ERICH1: variants seen among roughly 807,000 people sequenced by gnomAD.
ERICH1 encodes the protein glutamate-rich protein 1.
In ERICH1, 56 loss-of-function variants were observed where a neutral mutation model predicts 39.6. That is an observed-to-expected ratio of 1.41 (90% confidence interval 1.14 to 1.77). ERICH1 has a LOEUF of 1.77. Ranked by LOEUF, ERICH1 falls within the 40% of genes most tolerant of loss-of-function variation. The pLI is 0.00. For synonymous variants in ERICH1, 313 were observed against 223.6 expected, an observed-to-expected ratio of 1.40 and a Z score of -3.57; for missense variants, 826 against 575.4, an observed-to-expected ratio of 1.44 and a Z score of -4.45.
chr8:715,717 C>G, intron 2 of ERICH1, 144 bp downstream of exon 2: 1 of 1,165,290 alleles, frequency 8.6e-7, no homozygotes, highest in Non-Finnish European at 1.2e-6. Flanking sequence ...GAGAGCGATG[C>G]CTGCCCTGCC....
intron 1 of ERICH1, among the ~76,000 whole-genome samples, chr8:722,911 G>T (rs758831584): frequency 6.6e-6 from 1 of 152,180 alleles, no homozygotes; most frequent in African/African-American, 2.4e-5. Flanking sequence ...AAATATTCAC[G>T]AGTGACTTTA....
chr8:678,752 G>A (rs1189164804), intron 3 of ERICH1, among the ~76,000 whole-genome samples: 1 of 152,158 alleles, frequency 6.6e-6, no homozygotes, highest in Admixed American at 6.5e-5. Flanking sequence ...AGCTTGCAGT[G>A]AGCCCAGATT....
At chr8:635,853 C>G (rs1169442788) in intron 3 of ERICH1, among the ~76,000 whole-genome samples, 1 of 152,224 alleles carries the variant, frequency 6.6e-6, no homozygotes, top group East Asian at 1.9e-4. Context: ...TGTGTTCAAC[C>G]AACTCTGGAT....
intron 3 of ERICH1, among the ~76,000 whole-genome samples, chr8:643,201 C>T (rs529686397): frequency 3.3e-5 from 5 of 152,350 alleles, no homozygotes; most frequent in African/African-American, 9.6e-5. Context: ...TCTCGTTAAA[C>T]ATTGCATGCG....
intron 3 of ERICH1, among the ~76,000 whole-genome samples, chr8:618,341 C>A (rs895100546): frequency 6.6e-6 from 1 of 151,396 alleles, no homozygotes; most frequent in Non-Finnish European, 1.5e-5. Flanking sequence ...GTCCTCAGTG[C>A]CTTTTGAGTG....
At chr8:731,071 T>C (rs1585787887) in intron 1 of ERICH1, 69 bp downstream of exon 1, 1 of 1,384,262 alleles carries the variant, frequency 7.2e-7, no homozygotes, top group Admixed American at 3.3e-5. Flanking sequence ...GGGTCCCGAG[T>C]CAACACCGCG....
At chr8:690,338 T>C (rs1437519303) in intron 3 of ERICH1, among the ~76,000 whole-genome samples, 2 of 152,266 alleles carry the variant, frequency 1.3e-5, no homozygotes, top group Admixed American at 6.5e-5. Context: ...CTTCCTGTCC[T>C]GGCTTTTGGG....
At chr8:615,067 C>T (rs1584916911) in exon 4 of ERICH1, 5 of 584,050 alleles carry the variant, frequency 8.6e-6, no homozygotes, top group African/African-American at 5.6e-5. Flanking sequence ...CTGTACCCAT[C>T]GGCCACTGAA....
intron 3 of ERICH1, among the ~76,000 whole-genome samples, chr8:685,341 C>T (rs1286733184): frequency 2.0e-5 from 3 of 152,190 alleles, no homozygotes; most frequent in Admixed American, 6.5e-5. Context: ...CCCTGAACAT[C>T]GCTGTTATCC....
At chr8:719,151 C>G (rs1816720192) in intron 1 of ERICH1, among the ~76,000 whole-genome samples, 1 of 152,148 alleles carries the variant, frequency 6.6e-6, no homozygotes, top group South Asian at 2.1e-4. Context: ...CACGAAAGCC[C>G]CAGGCCTGGC....
rs368920555 is a variant in ERICH1 at position 716,034 on chromosome 8, A to C, written c.23-27T>G. On this transcript the variant is annotated intron_variant, in intron 1 of 5. Coordinates refer to ENST00000262109, the MANE Select transcript of ERICH1 (RefSeq NM_207332.3). ...TGTACAGACAACCGATTAAAAGAAA[A>C]GGAGGAAAAGGAATGAATTATGCAG... 19 of 1,571,034 alleles carry C rather than the reference A, an allele frequency of 1.2e-5. No homozygotes were observed. The African/African-American group carries it at 2.2e-4, about 18-fold the overall frequency.
At chr8:719,006 A>G (rs1322896461) in intron 1 of ERICH1, among the ~76,000 whole-genome samples, 1 of 152,078 alleles carries the variant, frequency 6.6e-6, no homozygotes, top group African/African-American at 2.4e-5. Flanking sequence ...GTCAGTGCAC[A>G]TGCCAATGTC....
downstream of ERICH1, among the ~76,000 whole-genome samples, chr8:661,125 G>A (rs1255944381): frequency 6.6e-6 from 1 of 152,084 alleles, no homozygotes; most frequent in African/African-American, 2.4e-5. Context: ...CCCAATATTG[G>A]TGCGAGGCGG....
intron 3 of ERICH1, chr8:656,825 G>A: frequency 1.0e-6 from 1 of 985,416 alleles, no homozygotes. Context: ...TCACTCTGAA[G>A]AGCCCCCGGG....
At chr8:662,880 C>T (rs1222906196), downstream of ERICH1, among the ~76,000 whole-genome samples, 1 of 149,602 alleles carries the variant, frequency 6.7e-6, no homozygotes, top group Non-Finnish European at 1.5e-5. Context: ...AGGGCAGGGG[C>T]GGGCAGGGCG....
At chr8:692,693 T>G in intron 2 of ERICH1, 81 bp from the exon 3 acceptor site, 1 of 1,389,832 alleles carries the variant, frequency 7.2e-7, no homozygotes, top group South Asian at 1.5e-5. Flanking sequence ...ACATCGGCAT[T>G]GTTTCTCTAA....
chr8:655,566 G>A (rs949372645), intron 3 of ERICH1, among the ~76,000 whole-genome samples: 10 of 152,148 alleles, frequency 6.6e-5, no homozygotes, highest in African/African-American at 2.2e-4. Flanking sequence ...AGTGGATCAC[G>A]CAGCAACCTT....
intron 3 of ERICH1, among the ~76,000 whole-genome samples, chr8:679,015 C>G (rs931656801): frequency 1.3e-5 from 2 of 148,814 alleles, no homozygotes; most frequent in African/African-American, 5.0e-5. Context: ...CTCCTACTCA[C>G]AGCAAGTGAC....
chr8:724,350 A>C (rs1818064889), intron 1 of ERICH1, among the ~76,000 whole-genome samples: 1 of 152,176 alleles, frequency 6.6e-6, no homozygotes, highest in African/African-American at 2.4e-5. Flanking sequence ...TTCCACGCAA[A>C]CTTTGCCCAG....
Sources: allele counts gnomAD v4.1 joint callset (sites outside exome capture counted in the v4.1 genomes callset), GRCh38; gene constraint gnomAD v4.1.1; transcripts MANE v1.5; gene names NCBI Gene and HGNC (gene_info 2026-07-23, HGNC 2026-07-21).